Variants in ACTR10 observed in about 807,000 individuals in gnomAD.
ACTR10 encodes actin-related protein 10.
ACTR10 carries 43 observed loss-of-function variants against 56.2 expected under a neutral mutation model. The ratio of observed to expected loss-of-function variants is 0.77; its 90% confidence interval spans 0.60 to 0.99. The LOEUF is 0.99. Among genes scored for constraint, ACTR10 ranks in the 50% least tolerant of loss-of-function variants. The pLI is 0.00. For synonymous variants in ACTR10, 170 were observed against 176.3 expected (o/e 0.96, Z 0.28); for missense variants, 466 against 507.8 (o/e 0.92, Z 0.79).
intron 7 of ACTR10, 173 bp from the exon 8 acceptor site, chr14:58,219,521 G>A (rs1889216032): frequency 2.3e-6 from 1 of 442,704 alleles, no homozygotes; most frequent in Non-Finnish European, 4.0e-6. Flanking sequence ...TTTGAATGAT[G>A]ATATTTCTTC....
intron 5 of ACTR10, among the ~76,000 whole-genome samples, chr14:58,212,401 A>AT (rs1382109984): frequency 1.3e-5 from 2 of 152,214 alleles, no homozygotes; most frequent in African/African-American, 4.8e-5. Context: ...ATCTCTTAGA[A>AT]TTGTCCTAGT....
intron 8 of ACTR10, among the ~76,000 whole-genome samples, chr14:58,219,953 G>T (rs1208780070): frequency 6.6e-6 from 1 of 152,046 alleles, no homozygotes; most frequent in Non-Finnish European, 1.5e-5. Context: ...CTTCTCAATT[G>T]TATACAGAGT....
Position 58,200,222 on chromosome 14 carries a change from C to A in ACTR10, c.5C>A (p.Pro2Gln). The A allele has an allele frequency of 2.0e-6, 3 of 1,534,278 alleles. No homozygotes were observed. Among genetic ancestry groups the A allele is most frequent in the Non-Finnish European group, 1.8e-6 (2 of 1,141,562 alleles). The change falls in exon 1 of 13, where the codon CCG (proline) becomes CAG (glutamine). Residue 2 changes from proline to glutamine, a missense_variant. Coordinates refer to ENST00000254286, the MANE Select transcript of ACTR10 (RefSeq NM_018477.3). M[P>Q]LYEGLGSGGE... ...CTCTCAGTCTGCCTTACTACCATGC[C>A]GCTCTACGAGGGCCTGGGGAGCGGC...
In ACTR10 at chr14:58,213,689, CT is replaced by C. The variant is rs779130256; in HGVS notation, c.510del (p.Leu171PhefsTer28). On this transcript the variant is annotated frameshift_variant, in exon 6 of 13. Coordinates refer to ENST00000254286, the MANE Select transcript of ACTR10 (RefSeq NM_018477.3). LOFTEE classifies it high-confidence loss of function. ...CWGALPLGGK[A>X]LHKELETQLL... ...GGAGCACTACCCCTAGGAGGAAAAGCTCTTCACAAGTAAGTTTCTTGGAATT... is the reference window on the plus strand; with the variant it reads ...GGAGCACTACCCCTAGGAGGAAAAGCCTTCACAAGTAAGTTTCTTGGAATT... The C allele has an allele frequency of 1.1e-5, 17 of 1,611,220 alleles. 1 individual carries two copies. The highest frequency in any genetic ancestry group is 1.4e-5 in the Non-Finnish European group (16 of 1,178,336).
chr14:58,215,903 G>A lies in ACTR10; in HGVS notation c.598+619G>A, dbSNP rs564027347. 1.8e-4 allele frequency among the ~76,000 whole-genome samples: 27 copies of A among 150,326 alleles called. No homozygotes were observed. In the South Asian group the frequency reaches 4.0e-3, roughly 22 times the overall value. ...AAAGGTAATATTTTCCTTGTCTCCC[G>A]TTTTACAAAACTGGAAGTTAGCCTT... On this transcript the variant is annotated intron_variant, in intron 7 of 12. Transcript: ENST00000254286.
chr14:58,220,189 C>T (rs1200343943), intron 8 of ACTR10, among the ~76,000 whole-genome samples: 1 of 152,052 alleles, frequency 6.6e-6, no homozygotes, highest in Non-Finnish European at 1.5e-5. Context: ...TGATAAAGTT[C>T]AAATTGGGTT....
chr14:58,200,435 A>G, intron 1 of ACTR10, 141 bp downstream of exon 1: 1 of 558,006 alleles, frequency 1.8e-6, no homozygotes, highest in African/African-American at 2.0e-5. Flanking sequence ...CTTGCAAATA[A>G]CAGCTCTTAT....
intron 7 of ACTR10, among the ~76,000 whole-genome samples, chr14:58,218,490 T>C (rs958543312): frequency 6.6e-6 from 1 of 152,120 alleles, no homozygotes; most frequent in Non-Finnish European, 1.5e-5. Context: ...AAGGATGAGA[T>C]AATAAAGGTA....
At chr14:58,219,763 C>T in intron 8 of ACTR10, 34 bp downstream of exon 8, 1 of 1,438,588 alleles carries the variant, frequency 7.0e-7, no homozygotes, top group Non-Finnish European at 9.3e-7. Context: ...CCCTTTCATC[C>T]TTAAGTGTTA....
At chr14:58,223,386 C>T in intron 8 of ACTR10, 1 of 431,580 alleles carries the variant, frequency 2.3e-6, no homozygotes, top group Non-Finnish European at 4.1e-6. Flanking sequence ...GATCCGCCTG[C>T]CTCGGCCTCC....
At chr14:58,209,577 A>G (rs1176476932) in intron 4 of ACTR10, among the ~76,000 whole-genome samples, 1 of 152,154 alleles carries the variant, frequency 6.6e-6, no homozygotes, top group Non-Finnish European at 1.5e-5. Context: ...ATTCCTTTAA[A>G]ATGGAATATT....
intron 11 of ACTR10, chr14:58,231,127 C>T (rs974772075): frequency 2.2e-5 from 7 of 322,068 alleles, no homozygotes; most frequent in Admixed American, 1.9e-4. Flanking sequence ...GATCTCAGCT[C>T]AGCACAACCT....
At chr14:58,210,028 T>C (rs943000884) in intron 4 of ACTR10, among the ~76,000 whole-genome samples, 1 of 152,204 alleles carries the variant, frequency 6.6e-6, no homozygotes, top group Non-Finnish European at 1.5e-5. Context: ...ATTTCATTTG[T>C]AGTAAGGAGA....
In ACTR10 at chr14:58,213,560, G is replaced by A; in HGVS notation, c.451-71G>A. On this transcript the variant is annotated intron_variant, in intron 5 of 12. Coordinates refer to ENST00000254286, the MANE Select transcript of ACTR10 (RefSeq NM_018477.3). Reference sequence around the variant, plus strand: ...AAAGCATATTTAGAACAGTACTGCAGAAGGTGAGGAAAATATCAAGGAAAC... The same window carrying A: ...AAAGCATATTTAGAACAGTACTGCAAAAGGTGAGGAAAATATCAAGGAAAC... 5.9e-6 allele frequency: 6 copies of A among 1,018,994 alleles called. No homozygotes were observed. The South Asian group carries it at 9.8e-5, about 17-fold the overall frequency. The allele number at this position is 1,018,994 out of a possible 1,614,324, so 63.1% of individuals were successfully genotyped here. A position where few individuals can be genotyped will look rare whatever the true frequency, so the allele number is the denominator to read the frequency against.
chr14:58,223,197 C>T (rs941858045), intron 8 of ACTR10, among the ~76,000 whole-genome samples: 6 of 151,962 alleles, frequency 3.9e-5, no homozygotes, highest in African/African-American at 9.7e-5. Context: ...AGTGCAGTGG[C>T]GCGATCTCGG....
intron 7 of ACTR10, among the ~76,000 whole-genome samples, chr14:58,216,229 A>G (rs954510808): frequency 2.0e-5 from 3 of 152,140 alleles, no homozygotes; most frequent in African/African-American, 7.2e-5. Flanking sequence ...GGCTCAAGCC[A>G]TCCTCCATTC....
chr14:58,202,776 A>G, intron 1 of ACTR10, 79 bp from the exon 2 acceptor site: 1 of 1,027,736 alleles, frequency 9.7e-7, no homozygotes, highest in South Asian at 1.5e-5. Flanking sequence ...GTTTTGAAAC[A>G]AATACAGAGA....
At chr14:58,222,764 G>GAAAAAAAAAAAA in intron 8 of ACTR10, among the ~76,000 whole-genome samples, 1 of 76,342 alleles carries the variant, frequency 1.3e-5, no homozygotes, top group Non-Finnish European at 2.6e-5. Context: ...GACTCTGTCA[G>GAAAAAAAAAAAA]AAAAAAAAAA....
intron 1 of ACTR10, 85 bp downstream of exon 1, chr14:58,200,379 G>T: frequency 1.7e-6 from 2 of 1,168,628 alleles, no homozygotes; most frequent in South Asian, 2.2e-5. Flanking sequence ...CCTCATCGCC[G>T]ACTCGCTGGG....
Sources: gnomAD v4.1 joint callset for allele counts (sites outside exome capture counted in the v4.1 genomes callset) on GRCh38, gnomAD v4.1.1 for gene constraint, MANE v1.5 for transcripts, NCBI Gene and HGNC (gene_info 2026-07-23, HGNC 2026-07-21) for gene names.